The following CLYBL variants were observed in gnomAD, a reference collection of about 807,000 sequenced individuals.
CLYBL encodes the protein citramalyl-CoA lyase.
Under a neutral mutation model 38.9 loss-of-function variants are expected in CLYBL, and 31 were observed. The observed-to-expected ratio is 0.80, with a 90% confidence interval of 0.60 to 1.08. The LOEUF is 1.08. CLYBL is among the 50% of genes least tolerant of loss of function. CLYBL has a pLI of 0.00. For missense variants in CLYBL, 434 were observed against 411.6 expected, an observed-to-expected ratio of 1.05 and a Z score of -0.47; for synonymous variants, 171 against 158.6, an observed-to-expected ratio of 1.08 and a Z score of -0.59.
In CLYBL at chr13:99,866,261, CCCTGGATATTCT is replaced by C; in HGVS notation, c.658_669del (p.Leu220_Leu223del). On this transcript the variant is annotated inframe_deletion, in exon 6 of 9. Coordinates refer to ENST00000339105, the MANE Select transcript of CLYBL (RefSeq NM_206808.5). ...TCAGGTGCAACAAGTAGTAAAGAAA[CCCTGGATATTCT>C]CTACGCCCGGCAAAAGATTGTTGTC... is the stretch of plus-strand genomic sequence containing the variant. 1.2e-6 allele frequency: 2 copies of C among 1,613,864 alleles called. No individual in the cohort carries two copies. The highest frequency in any genetic ancestry group is 1.7e-6 in the Non-Finnish European group (2 of 1,180,004).
chr13:99,652,318 C>G (rs1457116169), intron 1 of CLYBL, among the ~76,000 whole-genome samples: 1 of 152,218 alleles, frequency 6.6e-6, no homozygotes, highest in Non-Finnish European at 1.5e-5. Flanking sequence ...CTGTTCACCA[C>G]AGGACTAAAC....
chr13:99,856,851 C>A (rs901756329), intron 2 of CLYBL, among the ~76,000 whole-genome samples: 1 of 150,770 alleles, frequency 6.6e-6, no homozygotes, highest in African/African-American at 2.4e-5. Flanking sequence ...GTTGGCCAGG[C>A]TGGTCTTGAA....
rs149857710 is a variant in CLYBL at position 99,902,501 on chromosome 13, C to T, written c.*25-2769C>T. Among the ~76,000 whole-genome samples the T allele has an allele frequency of 4.7e-3, 719 of 152,220 alleles. 5 individuals are homozygous for T. Among genetic ancestry groups the T allele is most frequent in the Middle Eastern group, 0.024 (7 of 294 alleles). On this transcript the variant is annotated intron_variant and NMD_transcript_variant, in intron 8 of 9. Coordinates refer to the CLYBL transcript ENST00000689673. ...ATTTTAAACTGGTTTGTTCAGAGGG[C>T]GCCACTGGCCTTTTTTCTCTTCCTT...
intron 1 of CLYBL, among the ~76,000 whole-genome samples, chr13:99,637,105 C>G (rs1026116659): frequency 2.5e-4 from 38 of 152,236 alleles, no homozygotes; most frequent in African/African-American, 8.4e-4. Flanking sequence ...GTCTTGAACC[C>G]CTGGTCTCAA....
At chr13:99,743,248 T>C (rs1017067109) in intron 1 of CLYBL, among the ~76,000 whole-genome samples, 1 of 152,148 alleles carries the variant, frequency 6.6e-6, no homozygotes, top group Non-Finnish European at 1.5e-5. Flanking sequence ...TTCTTTTTGA[T>C]TGATGCTGCA....
intron 2 of CLYBL, among the ~76,000 whole-genome samples, chr13:99,810,027 G>C (rs1351199404): frequency 6.6e-6 from 1 of 152,248 alleles, no homozygotes; most frequent in African/African-American, 2.4e-5. Flanking sequence ...AATAGCATAG[G>C]AGGATTTTTT....
At chr13:99,771,066 C>T (rs1217980894) in intron 1 of CLYBL, among the ~76,000 whole-genome samples, 9 of 126,466 alleles carry the variant, frequency 7.1e-5, no homozygotes, top group African/African-American at 2.5e-4. Context: ...CAAGGTATTG[C>T]TCTGTTGCTC....
intron 1 of CLYBL, among the ~76,000 whole-genome samples, chr13:99,629,039 G>A (rs1292195370): frequency 2.6e-5 from 4 of 152,224 alleles, no homozygotes; most frequent in Admixed American, 6.5e-5. Flanking sequence ...CTTCGTTCGC[G>A]GACTCTGAAT....
chr13:99,721,621 T>TC (rs941244552), intron 1 of CLYBL, among the ~76,000 whole-genome samples: 1 of 104,156 alleles, frequency 9.6e-6, no homozygotes, highest in Non-Finnish European at 1.8e-5. Context: ...ATGCTGTCCC[T>TC]CCCCCCTCCC....
At chr13:99,771,020 CTTTTTTTTTTT>C (rs546998940) in intron 1 of CLYBL, among the ~76,000 whole-genome samples, 12 of 120,238 alleles carry the variant, frequency 1.0e-4, no homozygotes, top group African/African-American at 4.0e-4. Flanking sequence ...ACGCGGGGCC[CTTTTTTTTTTT>C]TTTTTTTTTT....
intron 1 of CLYBL, among the ~76,000 whole-genome samples, chr13:99,647,014 C>T (rs769619781): frequency 2.0e-5 from 3 of 152,148 alleles, no homozygotes; most frequent in Non-Finnish European, 4.4e-5. Flanking sequence ...GCCCTCCGCA[C>T]GCTCTGGCCT....
intron 1 of CLYBL, among the ~76,000 whole-genome samples, chr13:99,641,751 G>C (rs1036553905): frequency 1.3e-5 from 2 of 152,104 alleles, no homozygotes; most frequent in African/African-American, 4.8e-5. Flanking sequence ...GGTGGAGCTT[G>C]CAGTGAGCTG....
chr13:99,774,790 A>C (rs2049476347), intron 2 of CLYBL, among the ~76,000 whole-genome samples: 1 of 152,238 alleles, frequency 6.6e-6, no homozygotes, highest in Non-Finnish European at 1.5e-5. Flanking sequence ...TGTGCCAAGG[A>C]AAATACTATT....
At chr13:99,845,361 C>T (rs1485750192) in intron 2 of CLYBL, among the ~76,000 whole-genome samples, 1 of 152,078 alleles carries the variant, frequency 6.6e-6, no homozygotes, top group Non-Finnish European at 1.5e-5. Flanking sequence ...CTCAACGGCA[C>T]GGGAAATTAA....
chr13:99,644,377 T>G (rs2047146416), intron 1 of CLYBL, among the ~76,000 whole-genome samples: 1 of 152,194 alleles, frequency 6.6e-6, no homozygotes, highest in South Asian at 2.1e-4. Context: ...TTTTAAAAAT[T>G]TTAATAGGTA....
At chr13:99,795,249 A>G (rs2049998630) in intron 2 of CLYBL, among the ~76,000 whole-genome samples, 1 of 152,194 alleles carries the variant, frequency 6.6e-6, no homozygotes, top group African/African-American at 2.4e-5. Flanking sequence ...TTGGTCAGAA[A>G]TTAACCTCCA....
At chr13:99,681,680 G>A (rs1280019313) in intron 1 of CLYBL, among the ~76,000 whole-genome samples, 2 of 151,998 alleles carry the variant, frequency 1.3e-5, no homozygotes, top group African/African-American at 2.4e-5. Flanking sequence ...TCCACCTTCC[G>A]GGTTCAAGCG....
chr13:99,608,061 C>CTTTTTTTTTTTTTTTTTTTTTTTTTTTT (rs56149363), intron 1 of CLYBL, among the ~76,000 whole-genome samples: 1 of 75,026 alleles, frequency 1.3e-5, no homozygotes, highest in Non-Finnish European at 2.4e-5. Flanking sequence ...TCTGGAACTT[C>CTTTTTTTTTTTTTTTTTTTTTTTTTTTT]TTTTTTTTTT....
At chr13:99,617,715 A>G (rs1412208885) in intron 1 of CLYBL, among the ~76,000 whole-genome samples, 3 of 152,208 alleles carry the variant, frequency 2.0e-5, no homozygotes, top group East Asian at 1.9e-4. Flanking sequence ...AAATATTTCT[A>G]TACTGACCTA....
Sources: allele counts gnomAD v4.1 joint callset (sites outside exome capture counted in the v4.1 genomes callset), GRCh38; gene constraint gnomAD v4.1.1; transcripts MANE v1.5; gene names NCBI Gene and HGNC (gene_info 2026-07-23, HGNC 2026-07-21).